HS3ST3A1: variants seen among roughly 807,000 people sequenced by gnomAD.
HS3ST3A1 encodes the protein heparan sulfate-glucosamine 3-sulfotransferase 3A1, also known as heparan sulfate glucosamine 3-O-sulfotransferase 3A1.
A neutral mutation model predicts 25.7 loss-of-function variants in HS3ST3A1; 19 were observed. The ratio of observed to expected loss-of-function variants is 0.74; its 90% CI spans 0.52 to 1.08. The LOEUF (loss-of-function observed/expected upper bound fraction) is 1.08. Among genes scored for constraint, HS3ST3A1 ranks in the 50% least tolerant of loss-of-function variants. The pLI is 0.00. For missense variants in HS3ST3A1, 459 were observed against 594.3 expected, an observed-to-expected ratio of 0.77 and a Z score of 2.37; for synonymous variants, 226 against 278.6, an observed-to-expected ratio of 0.81 and a Z score of 1.88.
chr17:13,577,246 G>A (rs1907968125), intron 1 of HS3ST3A1, among the ~76,000 whole-genome samples: 1 of 152,184 alleles, frequency 6.6e-6, no homozygotes, highest in South Asian at 2.1e-4. Context: ...TAGGGACACA[G>A]CCAAATGATA....
chr17:13,519,131 G>A (rs975801052), intron 1 of HS3ST3A1, among the ~76,000 whole-genome samples: 2 of 152,142 alleles, frequency 1.3e-5, no homozygotes, highest in African/African-American at 2.4e-5. Context: ...AAGTATTGAT[G>A]TACCCTCTAA....
intron 1 of HS3ST3A1, among the ~76,000 whole-genome samples, chr17:13,560,613 C>A (rs1171973379): frequency 6.6e-6 from 1 of 152,052 alleles, no homozygotes; most frequent in African/African-American, 2.4e-5. Context: ...AGTCTGGATA[C>A]CCTGCTGATT....
At chr17:13,506,109 T>A (rs1905666573) in intron 1 of HS3ST3A1, among the ~76,000 whole-genome samples, 2 of 151,228 alleles carry the variant, frequency 1.3e-5, no homozygotes, top group South Asian at 4.2e-4. Flanking sequence ...AGTTAGGGTT[T>A]CTGCATGAGG....
rs181856086 is a variant in HS3ST3A1, at chr17:13,593,971, A to G, written c.599+6560T>C. 4.3e-3 allele frequency among the ~76,000 whole-genome samples: 650 copies of G among 152,160 alleles called. 6 individuals are homozygous for G. The highest frequency in any genetic ancestry group is 0.015 in the African/African-American group (621 of 41,502). On this transcript the variant is annotated intron_variant, in intron 1 of 1. Coordinates refer to ENST00000284110, the MANE Select transcript of HS3ST3A1 (RefSeq NM_006042.3). ...CCCTCGTGTTTACTTGTTAGTAATGACTCACTTTTGTCTCCCCACATCTGG... is the reference window on the plus strand; with the variant it reads ...CCCTCGTGTTTACTTGTTAGTAATGGCTCACTTTTGTCTCCCCACATCTGG...
At chr17:13,540,748 G>T (rs1186235527) in intron 1 of HS3ST3A1, among the ~76,000 whole-genome samples, 1 of 152,198 alleles carries the variant, frequency 6.6e-6, no homozygotes, top group African/African-American at 2.4e-5. Flanking sequence ...TAGAGAAAAA[G>T]CATTCAATCT....
intron 1 of HS3ST3A1, among the ~76,000 whole-genome samples, chr17:13,593,705 T>C (rs1253396027): frequency 6.6e-6 from 1 of 152,230 alleles, no homozygotes; most frequent in Non-Finnish European, 1.5e-5. Flanking sequence ...TTTGCTGTTT[T>C]CACCTTTGAT....
intron 1 of HS3ST3A1, 135 bp from the exon 2 acceptor site, chr17:13,496,953 C>A: frequency 8.4e-7 from 1 of 1,192,364 alleles, no homozygotes; most frequent in Non-Finnish European, 1.2e-6. Flanking sequence ...CTGATGGTGA[C>A]GTCGCACAAC....
intron 1 of HS3ST3A1, among the ~76,000 whole-genome samples, chr17:13,546,582 A>G (rs1486763964): frequency 6.6e-6 from 1 of 152,148 alleles, no homozygotes; most frequent in Non-Finnish European, 1.5e-5. Context: ...ACGCTTCTTA[A>G]TTGCCGTTAT....
chr17:13,600,840 C>G lies in HS3ST3A1; in HGVS notation c.290G>C (p.Arg97Pro). The change falls in exon 1 of 2, where the codon CGG becomes CCG. Residue 97 changes from arginine to proline, a missense_variant. Arg to Pro is a moderately radical substitution (Grantham distance 103). Around this residue, in one of 3 missense-constraint regions of HS3ST3A1, gnomAD observed 346 missense variants for 303.9 expected, o/e 1.14. Transcript: ENST00000284110. Reference sequence around the variant, plus strand: ...GCGGGGCGCGGGCGGCCGGCGCCTCCGCCACTGCGGCAGTTGCAGGAGGCG... The same window carrying G: ...GCGGGGCGCGGGCGGCCGGCGCCTCGGCCACTGCGGCAGTTGCAGGAGGCG... The part of the protein sequence containing the change: ...RKRLLQLPQW[R>P]RRRPPAPRDD... The G allele has an allele frequency of 1.4e-6, 2 of 1,423,352 alleles. No homozygotes were observed. The highest frequency in any genetic ancestry group is 1.8e-6 in the Non-Finnish European group (2 of 1,100,318). 88.2% of individuals were successfully genotyped at this position (1,423,352 alleles called of 1,614,324 possible). A position where few individuals can be genotyped will look rare whatever the true frequency, so the allele number is the denominator to read the frequency against.
At chr17:13,547,702 C>T (rs1907125080) in intron 1 of HS3ST3A1, among the ~76,000 whole-genome samples, 2 of 152,052 alleles carry the variant, frequency 1.3e-5, no homozygotes, top group African/African-American at 4.8e-5. Flanking sequence ...GTGAGTTGTT[C>T]TGGCAAATTA....
intron 1 of HS3ST3A1, among the ~76,000 whole-genome samples, chr17:13,561,388 CTTT>C (rs569977802): frequency 2.1e-5 from 3 of 139,906 alleles, no homozygotes; most frequent in Non-Finnish European, 3.1e-5. Context: ...CCAGATCATT[CTTT>C]TTTTTTTTTT....
At chr17:13,589,436 C>G (rs997789092) in intron 1 of HS3ST3A1, among the ~76,000 whole-genome samples, 1 of 152,174 alleles carries the variant, frequency 6.6e-6, no homozygotes, top group Non-Finnish European at 1.5e-5. Flanking sequence ...TGTTTTCTTT[C>G]CATCATTAAA....
intron 1 of HS3ST3A1, among the ~76,000 whole-genome samples, chr17:13,507,353 C>A (rs1369008349): frequency 6.6e-6 from 1 of 152,196 alleles, no homozygotes; most frequent in Non-Finnish European, 1.5e-5. Flanking sequence ...GATAATGTGA[C>A]TTATCCAAGC....
chr17:13,546,348 C>G (rs1264376645), intron 1 of HS3ST3A1, among the ~76,000 whole-genome samples: 1 of 152,136 alleles, frequency 6.6e-6, no homozygotes, highest in East Asian at 1.9e-4. Flanking sequence ...TCACTGCAAT[C>G]TCTGCCTCCC....
chr17:13,539,406 T>C (rs894642695), intron 1 of HS3ST3A1, among the ~76,000 whole-genome samples: 1 of 152,224 alleles, frequency 6.6e-6, no homozygotes, highest in Admixed American at 6.5e-5. Flanking sequence ...TAGCTCCCAA[T>C]GTTTTTCTCA....
intron 1 of HS3ST3A1, among the ~76,000 whole-genome samples, chr17:13,525,547 TC>T (rs1906384459): frequency 6.6e-6 from 1 of 152,186 alleles, no homozygotes; most frequent in Non-Finnish European, 1.5e-5. Flanking sequence ...TGCATGATAC[TC>T]AGTTAACCTT....
At chr17:13,591,850 C>T (rs1365165755) in intron 1 of HS3ST3A1, among the ~76,000 whole-genome samples, 3 of 151,708 alleles carry the variant, frequency 2.0e-5, no homozygotes, top group East Asian at 1.9e-4. Flanking sequence ...AGTAGAGATG[C>T]GATTTCACCA....
intron 1 of HS3ST3A1, among the ~76,000 whole-genome samples, chr17:13,497,702 T>G (rs1905329540): frequency 6.6e-6 from 1 of 152,242 alleles, no homozygotes; most frequent in Non-Finnish European, 1.5e-5. Flanking sequence ...TTCTTCCAAC[T>G]TAAGTATACT....
chr17:13,565,293 C>G (rs940937656), intron 1 of HS3ST3A1, among the ~76,000 whole-genome samples: 3 of 152,030 alleles, frequency 2.0e-5, no homozygotes, highest in African/African-American at 7.2e-5. Flanking sequence ...ATCCCAGCAC[C>G]TTGGGAGGCC....
Sources: gnomAD v4.1 joint callset for allele counts (sites outside exome capture counted in the v4.1 genomes callset) on GRCh38, gnomAD v4.1.1 for gene constraint, gnomAD v4.1.1 regional missense constraint, MANE v1.5 for transcripts, NCBI Gene and HGNC (gene_info 2026-07-23, HGNC 2026-07-21) for gene names.